DLGAP1: variants seen among roughly 807,000 people sequenced by gnomAD.
DLGAP1 encodes disks large-associated protein 1.
In DLGAP1, 11 loss-of-function variants were observed where a neutral mutation model predicts 90.8. The ratio of observed to expected loss-of-function variants is 0.12; its 90% CI spans 0.08 to 0.20. DLGAP1 has a LOEUF of 0.20. DLGAP1 is among the 10% of genes least tolerant of loss of function. The pLI is 1.00. For missense variants in DLGAP1, 1,050 were observed against 1,333.8 expected, an observed-to-expected ratio of 0.79 and a Z score of 3.31; for synonymous variants, 558 against 540.7, an observed-to-expected ratio of 1.03 and a Z score of -0.44.
chr18:4,186,201 C>A (rs1002385357), intron 1 of DLGAP1, among the ~76,000 whole-genome samples: 3 of 152,010 alleles, frequency 2.0e-5, no homozygotes, highest in Non-Finnish European at 4.4e-5. Flanking sequence ...GCATAGTTTC[C>A]AAATATTTTC....
At chr18:4,003,155 G>A (rs1183224936) in intron 3 of DLGAP1, among the ~76,000 whole-genome samples, 4 of 152,178 alleles carry the variant, frequency 2.6e-5, no homozygotes, top group Non-Finnish European at 2.9e-5. Context: ...TTAAAATGAG[G>A]GGGGAATATA....
At chr18:3,985,521 CTTTT>C (rs35320019) in intron 3 of DLGAP1, among the ~76,000 whole-genome samples, 9 of 145,688 alleles carry the variant, frequency 6.2e-5, no homozygotes, top group Admixed American at 2.0e-4. Flanking sequence ...CTTCGACTTA[CTTTT>C]TTTTTTTTTT....
intron 8 of DLGAP1, among the ~76,000 whole-genome samples, chr18:3,569,932 G>A (rs554016650): frequency 6.6e-6 from 1 of 151,994 alleles, no homozygotes; most frequent in Non-Finnish European, 1.5e-5. Context: ...GTCCTGTGCA[G>A]AAGTACCATT....
intron 1 of DLGAP1, among the ~76,000 whole-genome samples, chr18:4,198,461 C>A (rs1568446520): frequency 1.3e-5 from 2 of 152,026 alleles, no homozygotes; most frequent in African/African-American, 2.4e-5. Flanking sequence ...GTCCACGAAA[C>A]AATTAATAGA....
chr18:4,325,661 A>G (rs2080801939), intron 1 of DLGAP1, among the ~76,000 whole-genome samples: 1 of 152,172 alleles, frequency 6.6e-6, no homozygotes, highest in Non-Finnish European at 1.5e-5. Flanking sequence ...TCGTACAAAA[A>G]TAGACACATA....
intron 7 of DLGAP1, among the ~76,000 whole-genome samples, chr18:3,668,688 C>T (rs1420624161): frequency 1.3e-5 from 2 of 152,120 alleles, no homozygotes; most frequent in Non-Finnish European, 2.9e-5. Flanking sequence ...GGCAAATAGA[C>T]GCACCATAAA....
intron 5 of DLGAP1, among the ~76,000 whole-genome samples, chr18:3,806,857 G>A (rs867363939): frequency 3.7e-4 from 57 of 152,222 alleles, no homozygotes; most frequent in African/African-American, 1.4e-3. Context: ...GCCCCTTGAA[G>A]CCAGCTGTCA....
chr18:4,152,337 T>A (rs1178910564), intron 1 of DLGAP1, among the ~76,000 whole-genome samples: 1 of 152,232 alleles, frequency 6.6e-6, no homozygotes, highest in East Asian at 1.9e-4. Flanking sequence ...TGTATTTTTT[T>A]AACCTCCTAA....
At chr18:4,261,162 T>C (rs2078995041) in intron 1 of DLGAP1, among the ~76,000 whole-genome samples, 1 of 152,104 alleles carries the variant, frequency 6.6e-6, no homozygotes, top group Admixed American at 6.5e-5. Context: ...GCACTGAAAA[T>C]ATGTCACAGA....
chr18:4,172,639 AG>A (rs1323656055), intron 1 of DLGAP1, among the ~76,000 whole-genome samples: 5 of 152,232 alleles, frequency 3.3e-5, no homozygotes, highest in Non-Finnish European at 4.4e-5. Flanking sequence ...GGTGAACATA[AG>A]GGTGCTGAAA....
At chr18:4,314,866 C>T (rs1469173985) in intron 1 of DLGAP1, among the ~76,000 whole-genome samples, 1 of 152,062 alleles carries the variant, frequency 6.6e-6, no homozygotes, top group Non-Finnish European at 1.5e-5. Flanking sequence ...ATACCCAGAG[C>T]CTACAGATAC....
chr18:4,164,595 G>T (rs1417825855), intron 1 of DLGAP1, among the ~76,000 whole-genome samples: 1 of 152,056 alleles, frequency 6.6e-6, no homozygotes, highest in Non-Finnish European at 1.5e-5. Context: ...CAGGAGAATT[G>T]CTTGAACCTG....
At chr18:3,999,928 C>T (rs1453015352) in intron 3 of DLGAP1, among the ~76,000 whole-genome samples, 1 of 152,176 alleles carries the variant, frequency 6.6e-6, no homozygotes, top group African/African-American at 2.4e-5. Flanking sequence ...TGTCCTGCCT[C>T]AGCCTCCTAA....
intron 3 of DLGAP1, among the ~76,000 whole-genome samples, chr18:3,936,898 G>C (rs561261553): frequency 6.6e-6 from 1 of 152,280 alleles, no homozygotes; most frequent in South Asian, 2.1e-4. Flanking sequence ...GGTGGGTGGA[G>C]GGAGGGACAC....
At chr18:4,445,378 T>C (rs1320686198) in intron 1 of DLGAP1, among the ~76,000 whole-genome samples, 2 of 151,772 alleles carry the variant, frequency 1.3e-5, no homozygotes, top group East Asian at 1.9e-4. Flanking sequence ...ACATGTGCCA[T>C]GCTGGTGCGC....
chr18:3,843,783 G>A (rs2068852615), intron 4 of DLGAP1, among the ~76,000 whole-genome samples: 2 of 152,084 alleles, frequency 1.3e-5, no homozygotes, highest in Non-Finnish European at 2.9e-5. Flanking sequence ...CTGTCTTATT[G>A]TTGTTAAAAA....
At chr18:3,776,825 C>G (rs1225025577) in intron 5 of DLGAP1, among the ~76,000 whole-genome samples, 2 of 152,218 alleles carry the variant, frequency 1.3e-5, no homozygotes, top group Non-Finnish European at 2.9e-5. Context: ...AGTTCTCACT[C>G]TGTCACCCAG....
rs1049395858 is a variant in DLGAP1, at chr18:3,823,693, T to C, written c.958-9420A>G. On this transcript the variant is annotated intron_variant, in intron 4 of 12. Coordinates refer to ENST00000315677, the MANE Select transcript of DLGAP1 (RefSeq NM_004746.4). ...GTAACAAGTACTGAGTGTTAGATGC[T>C]TGGCCCAGCACTTTGGGAGGCCGAG... 2.6e-5 allele frequency among the ~76,000 whole-genome samples: 4 copies of C among 152,270 alleles called. No homozygotes were observed. In the South Asian group the frequency reaches 8.3e-4, roughly 32 times the overall value.
intron 1 of DLGAP1, among the ~76,000 whole-genome samples, chr18:4,404,653 A>T (rs574469306): frequency 7.9e-5 from 12 of 152,320 alleles, no homozygotes; most frequent in South Asian, 2.1e-4. Context: ...ATTCTACATA[A>T]TTTTTTTCTG....
Sources: gnomAD v4.1 joint callset for allele counts (sites outside exome capture counted in the v4.1 genomes callset) on GRCh38, gnomAD v4.1.1 for gene constraint, MANE v1.5 for transcripts, NCBI Gene and HGNC (gene_info 2026-07-23, HGNC 2026-07-21) for gene names.